ADCY1: variants seen among roughly 807,000 people sequenced by gnomAD.
The protein encoded by ADCY1 is adenylate cyclase 1, also known as adenylate cyclase type 1.
A neutral mutation model predicts 105.4 loss-of-function variants in ADCY1; 28 were observed. The ratio of observed to expected loss-of-function variants is 0.27; its 90% confidence interval spans 0.20 to 0.36. ADCY1 has a LOEUF of 0.36. Among genes scored for constraint, ADCY1 ranks in the 10% least tolerant of loss-of-function variants. The pLI is 1.00. For missense variants in ADCY1, 977 were observed against 1,434.2 expected, an observed-to-expected ratio of 0.68 and a Z score of 5.15; for synonymous variants, 655 against 623.8, an observed-to-expected ratio of 1.05 and a Z score of -0.75.
chr7:45,676,423 C>T (rs1402035376), intron 8 of ADCY1, among the ~76,000 whole-genome samples: 1 of 150,820 alleles, frequency 6.6e-6, no homozygotes, highest in African/African-American at 2.4e-5. Flanking sequence ...TGAGTGGTTT[C>T]TTTTTTTTTA....
chr7:45,664,297 C>G (rs895479225), intron 8 of ADCY1: 2 of 1,536,138 alleles, frequency 1.3e-6, no homozygotes, highest in Non-Finnish European at 1.7e-6. Flanking sequence ...AGGTTCAGAT[C>G]CATCCCTCAC....
At chr7:45,584,440 G>A (rs549197292) in intron 1 of ADCY1, among the ~76,000 whole-genome samples, 14 of 152,324 alleles carry the variant, frequency 9.2e-5, no homozygotes, top group African/African-American at 3.4e-4. Context: ...ACCCACTGTG[G>A]ACAAAGAGGA....
At chr7:45,604,745 TC>T (rs2115835378) in intron 2 of ADCY1, among the ~76,000 whole-genome samples, 1 of 152,322 alleles carries the variant, frequency 6.6e-6, no homozygotes, top group African/African-American at 2.4e-5. Context: ...AGCCTTGAAA[TC>T]AGGTAAAGTG....
In ADCY1 at chr7:45,718,316, G is replaced by A. The variant is rs1006838086; in HGVS notation, c.*4321G>A. On this transcript the variant is annotated 3_prime_UTR_variant, in exon 20 of 20. Coordinates refer to ENST00000297323, the MANE Select transcript of ADCY1 (RefSeq NM_021116.4). The stretch of plus-strand genomic sequence containing the variant: ...GGATAACATATCAAGGCTTACCTGT[G>A]ATAGGCCATTTTAAGGAAATGGTGG... 5.3e-5 allele frequency: 8 copies of A among 152,236 alleles called. No homozygotes were observed. The highest frequency in any genetic ancestry group is 1.9e-4 in the African/African-American group (8 of 41,462). The allele number at this position is 152,236 out of a possible 1,614,324, so 9.4% of individuals were successfully genotyped here. A position where few individuals can be genotyped will look rare whatever the true frequency, so the allele number is the denominator to read the frequency against.
chr7:45,655,898 C>T (rs1794927820), intron 5 of ADCY1, among the ~76,000 whole-genome samples: 1 of 152,110 alleles, frequency 6.6e-6, no homozygotes, highest in Non-Finnish European at 1.5e-5. Flanking sequence ...GTACTCATTT[C>T]CTTTTGTGAA....
intron 1 of ADCY1, among the ~76,000 whole-genome samples, chr7:45,579,249 C>G (rs1453569590): frequency 6.6e-6 from 1 of 152,178 alleles, no homozygotes; most frequent in Non-Finnish European, 1.5e-5. Flanking sequence ...TCCCGTATGC[C>G]TTTGTGTGCC....
At chr7:45,633,532 G>A (rs533542252) in intron 4 of ADCY1, among the ~76,000 whole-genome samples, 135 of 152,102 alleles carry the variant, frequency 8.9e-4, no homozygotes, top group Non-Finnish European at 1.6e-3. Context: ...GGCCCGGCAC[G>A]GTGGCTCATG....
chr7:45,712,302 T>C (rs567219938), intron 19 of ADCY1, among the ~76,000 whole-genome samples: 21 of 150,500 alleles, frequency 1.4e-4, no homozygotes, highest in African/African-American at 5.1e-4. Context: ...TCCTGCACCC[T>C]TCTGCAGGAT....
Position 45,648,683 on chromosome 7 carries a change from G to A in ADCY1, c.1034G>A (p.Arg345His). Residue 345 changes from arginine (R) to histidine (H), a missense_variant, in exon 5 of 20, where the codon CGC becomes CAC. Physicochemically the swap from Arg to His is conservative, Grantham distance 29. This residue lies in a region of ADCY1 where 196 missense variants were observed against 347.8 expected (regional missense o/e 0.56). Transcript: ENST00000297323. Reference sequence around the variant, plus strand: ...CCTTCCCTGAAGGAGAACCACTGTCGCCGCATCAAGATTCTCGGGGACTGC... The same window carrying A: ...CCTTCCCTGAAGGAGAACCACTGTCACCGCATCAAGATTCTCGGGGACTGC... ...FDELATENHC[R>H]RIKILGDCYY... is the part of the protein sequence containing the mutation. 1 of 1,614,114 alleles carries A rather than the reference G, an allele frequency of 6.2e-7. No homozygotes were observed. The highest frequency in any genetic ancestry group is 8.5e-7 in the Non-Finnish European group (1 of 1,179,994).
chr7:45,684,888 T>C, intron 11 of ADCY1, 91 bp from the exon 12 acceptor site: 1 of 1,163,354 alleles, frequency 8.6e-7, no homozygotes, highest in Non-Finnish European at 1.3e-6. Context: ...TTGCAGGTCA[T>C]CTGCACATTC....
At chr7:45,593,015 A>G in intron 2 of ADCY1, 107 bp downstream of exon 2, 4 of 1,445,290 alleles carry the variant, frequency 2.8e-6, no homozygotes, top group Non-Finnish European at 3.8e-6. Flanking sequence ...CATGGGCCAC[A>G]ATTCCCATTG....
At chr7:45,627,332 C>G (rs112504522) in intron 4 of ADCY1, among the ~76,000 whole-genome samples, 3 of 152,344 alleles carry the variant, frequency 2.0e-5, no homozygotes, top group African/African-American at 7.2e-5. Context: ...TCTCTGCCCA[C>G]TGGGCCTCTG....
intron 14 of ADCY1, among the ~76,000 whole-genome samples, chr7:45,694,115 T>TAAAAAAA (rs140981457): frequency 1.7e-5 from 2 of 115,448 alleles, no homozygotes; most frequent in East Asian, 2.5e-4. Flanking sequence ...TAGAGTATAA[T>TAAAAAAA]AAAAAAAAAA....
chr7:45,582,457 C>T (rs1246593445), intron 1 of ADCY1, among the ~76,000 whole-genome samples: 1 of 152,074 alleles, frequency 6.6e-6, no homozygotes, highest in Non-Finnish European at 1.5e-5. Context: ...GACTTGGGAG[C>T]TGTGGAGGCA....
intron 11 of ADCY1, among the ~76,000 whole-genome samples, chr7:45,681,024 G>T (rs1784544910): frequency 6.6e-6 from 1 of 152,268 alleles, no homozygotes; most frequent in Non-Finnish European, 1.5e-5. Flanking sequence ...CCCAAGCCAG[G>T]TGGTGAGACG....
chr7:45,692,981 C>T (rs1192925908), intron 14 of ADCY1, among the ~76,000 whole-genome samples: 2 of 152,146 alleles, frequency 1.3e-5, no homozygotes, highest in African/African-American at 4.8e-5. Context: ...ATCAAGAGGA[C>T]ATAGTCCTAA....
intron 4 of ADCY1, among the ~76,000 whole-genome samples, chr7:45,628,828 G>A (rs1342906724): frequency 6.6e-6 from 1 of 152,156 alleles, no homozygotes; most frequent in Non-Finnish European, 1.5e-5. Flanking sequence ...TCTGGGATAT[G>A]TTACACCTCA....
rs566986078 is a variant in ADCY1 at position 45,624,123 on chromosome 7, A to G, written c.1020+1380A>G. On this transcript the variant is annotated intron_variant, in intron 4 of 19. Coordinates refer to ENST00000297323, the MANE Select transcript of ADCY1 (RefSeq NM_021116.4). ...GGATGCTCCCTTAATGAAGGAGGGG[A>G]GAAGAGGGCACCCTGATTGGGGGCT... is the stretch of plus-strand genomic sequence containing the variant. Among the ~76,000 whole-genome samples, 143 of 152,112 alleles carry G rather than the reference A, an allele frequency of 9.4e-4. 1 individual carries two copies. Among genetic ancestry groups the G allele is most frequent in the African/African-American group, 3.2e-3 (133 of 41,492 alleles).
At chr7:45,664,156 G>A (rs986211150) in intron 8 of ADCY1, 3 of 764,012 alleles carry the variant, frequency 3.9e-6, no homozygotes, top group East Asian at 5.4e-5. Flanking sequence ...ATTGAGGGTG[G>A]GGCGTTCCTG....
Sources: gnomAD v4.1 joint callset for allele counts (sites outside exome capture counted in the v4.1 genomes callset) on GRCh38, gnomAD v4.1.1 for gene constraint, gnomAD v4.1.1 regional missense constraint, MANE v1.5 for transcripts, NCBI Gene and HGNC (gene_info 2026-07-23, HGNC 2026-07-21) for gene names.